The following ATRNL1 variants were observed in gnomAD, a reference collection of about 807,000 sequenced individuals.
ATRNL1 encodes the protein attractin-like protein 1.
A neutral mutation model predicts 182.7 loss-of-function variants in ATRNL1; 95 were observed. That is an observed-to-expected ratio of 0.52 (90% confidence interval 0.44 to 0.62). The LOEUF (loss-of-function observed/expected upper bound fraction) is 0.62, where lower values mean the gene tolerates loss of function less well. ATRNL1 is among the 20% of genes least tolerant of loss of function. The pLI, the probability that ATRNL1 is intolerant of heterozygous loss-of-function variation, is 0.00. For missense variants in ATRNL1, 1,471 were observed against 1,679.5 expected, an observed-to-expected ratio of 0.88 and a Z score of 2.17; for synonymous variants, 576 against 568.3, an observed-to-expected ratio of 1.01 and a Z score of -0.19.
chr10:115,553,363 C>G (rs1554996090), intron 26 of ATRNL1, among the ~76,000 whole-genome samples: 1 of 151,270 alleles, frequency 6.6e-6, no homozygotes, highest in Non-Finnish European at 1.5e-5. Context: ...TGAATAATCT[C>G]TACATTTCAT....
At position 115,931,321 on chromosome 10, in the gene ATRNL1, C is replaced by T. The variant is rs572469412; in HGVS notation, c.4019-13337C>T. Among the ~76,000 whole-genome samples, 10 of 152,156 alleles carry T rather than the reference C, an allele frequency of 6.6e-5. No individual in the cohort carries two copies. The South Asian group carries it at 1.5e-3, about 22-fold the overall frequency. Reference sequence around the variant, plus strand: ...TATACTTTTTGAAACCTGATAGTACCGTACTTCTGCTGCACTGCACTTTCT... The same window carrying T: ...TATACTTTTTGAAACCTGATAGTACTGTACTTCTGCTGCACTGCACTTTCT... On this transcript the variant is annotated intron_variant, in intron 28 of 28. Transcript: ENST00000355044.
chr10:115,241,497 C>A, intron 9 of ATRNL1, 74 bp from the exon 10 acceptor site: 2 of 1,013,876 alleles, frequency 2.0e-6, no homozygotes, highest in Non-Finnish European at 2.9e-6. Flanking sequence ...CAAAGTAGAC[C>A]CTTTATATAA....
chr10:115,172,470 A>G (rs782794041), intron 8 of ATRNL1, among the ~76,000 whole-genome samples: 2 of 151,984 alleles, frequency 1.3e-5, no homozygotes, highest in African/African-American at 2.4e-5. Flanking sequence ...GCACTTAAGT[A>G]CTTCTCCTAC....
intron 19 of ATRNL1, among the ~76,000 whole-genome samples, chr10:115,357,165 A>G (rs550288644): frequency 5.5e-4 from 83 of 152,054 alleles, no homozygotes; most frequent in African/African-American, 1.9e-3. Context: ...CCAACTCACA[A>G]GTGTTGTAGA....
intron 26 of ATRNL1, among the ~76,000 whole-genome samples, chr10:115,582,151 G>A (rs1286854524): frequency 2.0e-5 from 3 of 151,938 alleles, no homozygotes; most frequent in Non-Finnish European, 4.4e-5. Flanking sequence ...TCATTGTTGG[G>A]CATTTGGGTT....
At chr10:115,784,518 C>T (rs551199968) in intron 27 of ATRNL1, among the ~76,000 whole-genome samples, 284 of 152,180 alleles carry the variant, frequency 1.9e-3, no homozygotes, top group African/African-American at 6.5e-3. Flanking sequence ...CTAGAACTGC[C>T]GTAACAGATT....
chr10:115,690,980 C>T (rs1245341519), intron 26 of ATRNL1, among the ~76,000 whole-genome samples: 1 of 152,270 alleles, frequency 6.6e-6, no homozygotes, highest in East Asian at 1.9e-4. Context: ...CCAAGCCAAC[C>T]TTCTCTGAGC....
chr10:115,115,726 G>A (rs1199498121), intron 1 of ATRNL1, among the ~76,000 whole-genome samples: 2 of 152,002 alleles, frequency 1.3e-5, no homozygotes, highest in Admixed American at 6.6e-5. Flanking sequence ...TATATTCTGT[G>A]ATAAACAGGA....
chr10:115,837,104 T>G (rs1950692329), intron 27 of ATRNL1, among the ~76,000 whole-genome samples: 1 of 152,172 alleles, frequency 6.6e-6, no homozygotes, highest in Non-Finnish European at 1.5e-5. Flanking sequence ...TTTGAAGAGA[T>G]ATTTTATTCA....
At chr10:115,308,127 A>G (rs1327058463) in intron 17 of ATRNL1, among the ~76,000 whole-genome samples, 2 of 152,196 alleles carry the variant, frequency 1.3e-5, no homozygotes, top group African/African-American at 4.8e-5. Flanking sequence ...AGGATTTTGC[A>G]ATATTCTCCA....
intron 26 of ATRNL1, among the ~76,000 whole-genome samples, chr10:115,721,172 G>A (rs1555057667): frequency 6.6e-6 from 1 of 152,128 alleles, no homozygotes; most frequent in Non-Finnish European, 1.5e-5. Flanking sequence ...AAAAATCTGT[G>A]GAGATTGTGT....
chr10:115,303,300 C>CT (rs1853575844), intron 17 of ATRNL1, among the ~76,000 whole-genome samples: 1 of 147,042 alleles, frequency 6.8e-6, no homozygotes, highest in Non-Finnish European at 1.5e-5. Flanking sequence ...TTTCAGCTCA[C>CT]TGCAACCTCC....
At chr10:115,456,678 T>A (rs996169776) in intron 21 of ATRNL1, among the ~76,000 whole-genome samples, 3 of 152,168 alleles carry the variant, frequency 2.0e-5, no homozygotes, top group Non-Finnish European at 4.4e-5. Flanking sequence ...TAATACTCTC[T>A]AATGAATATA....
At chr10:115,383,115 T>G (rs1324814660) in intron 19 of ATRNL1, among the ~76,000 whole-genome samples, 1 of 132,796 alleles carries the variant, frequency 7.5e-6, no homozygotes, top group African/African-American at 2.5e-5. Flanking sequence ...TGTTTGTTTT[T>G]CTTTTTTTTT....
chr10:115,118,702 C>T (rs1173763406), intron 1 of ATRNL1, among the ~76,000 whole-genome samples: 1 of 152,156 alleles, frequency 6.6e-6, no homozygotes, highest in African/African-American at 2.4e-5. Context: ...GCACTCTCAA[C>T]CTTTTGGCAG....
chr10:115,542,534 G>A lies in ATRNL1; in HGVS notation c.3717-6924G>A, dbSNP rs552683253. On this transcript the variant is annotated intron_variant, in intron 25 of 28. Coordinates refer to ENST00000355044, the MANE Select transcript of ATRNL1 (RefSeq NM_207303.4). ...ATTATACAAGCCTTGGAACTGCTGC[G>A]TTCATTTTTGTTCCTAAGAATTAAA... Among the ~76,000 whole-genome samples the A allele has an allele frequency of 1.8e-4, 27 of 152,172 alleles. 1 individual carries two copies. In the South Asian group the frequency reaches 5.0e-3, roughly 28 times the overall value.
intron 26 of ATRNL1, among the ~76,000 whole-genome samples, chr10:115,604,672 A>G (rs1180797706): frequency 1.3e-5 from 2 of 152,080 alleles, no homozygotes; most frequent in Non-Finnish European, 2.9e-5. Context: ...ATCACAGGCT[A>G]TACTATGCTG....
At chr10:115,350,300 C>G (rs1488661965) in intron 19 of ATRNL1, among the ~76,000 whole-genome samples, 1 of 122,998 alleles carries the variant, frequency 8.1e-6, no homozygotes, top group East Asian at 2.7e-4. Flanking sequence ...TGCGCCACTG[C>G]ACTCCAGCCT....
At chr10:115,651,202 T>A (rs1859976103) in intron 26 of ATRNL1, among the ~76,000 whole-genome samples, 1 of 152,130 alleles carries the variant, frequency 6.6e-6, no homozygotes, top group South Asian at 2.1e-4. Flanking sequence ...TGATCCAGTC[T>A]TTTTATTCAT....
Sources: allele counts gnomAD v4.1 joint callset (sites outside exome capture counted in the v4.1 genomes callset), GRCh38; gene constraint gnomAD v4.1.1; transcripts MANE v1.5; gene names NCBI Gene and HGNC (gene_info 2026-07-23, HGNC 2026-07-21).